Variants in SLCO2B1 observed in about 807,000 individuals in gnomAD.
SLCO2B1 encodes solute carrier organic anion transporter family member 2B1, also known as OATP-RP2.
Under a neutral mutation model 67.3 loss-of-function variants are expected in SLCO2B1, and 41 were observed. That is an observed-to-expected ratio of 0.61 (90% CI 0.47 to 0.79). SLCO2B1 has a LOEUF of 0.79. SLCO2B1 is among the 30% of genes least tolerant of loss of function. SLCO2B1 has a pLI of 0.00. For missense variants in SLCO2B1, 837 were observed against 920.1 expected (o/e 0.91, Z 1.17); for synonymous variants, 379 against 381.4 (o/e 0.99, Z 0.07).
chr11:75,169,948 A>G (rs1338542949), intron 6 of SLCO2B1, 184 bp downstream of exon 6: 1 of 587,784 alleles, frequency 1.7e-6, no homozygotes, highest in East Asian at 2.8e-5. Context: ...TCTGTCTCCT[A>G]AAGCTGTGAT....
chr11:75,188,189 T>A lies in SLCO2B1; in HGVS notation c.1026T>A (p.Asp342Glu), dbSNP rs971935565. 3 of 1,614,136 alleles carry A rather than the reference T, an allele frequency of 1.9e-6. No homozygotes were observed. The highest frequency in any genetic ancestry group is 2.5e-6 in the Non-Finnish European group (3 of 1,179,998). Reference sequence around the variant, plus strand: ...CTGGGGAGTCCACGAAGAAGCAGGATGGCCTAGTCCAGATTGCACCAAACC... The same window carrying A: ...CTGGGGAGTCCACGAAGAAGCAGGAAGGCCTAGTCCAGATTGCACCAAACC... ...QSPGESTKKQ[D>E]GLVQIAPNLT... The change falls in exon 8 of 14, where the codon GAT becomes GAA. Residue 342 changes from aspartate to glutamate, a missense_variant. Coordinates refer to ENST00000289575, the MANE Select transcript of SLCO2B1 (RefSeq NM_007256.5).
At chr11:75,162,585 C>A in intron 1 of SLCO2B1, 70 bp from the exon 2 acceptor site, 1 of 1,512,736 alleles carries the variant, frequency 6.6e-7, no homozygotes, top group Non-Finnish European at 8.9e-7. Flanking sequence ...AGGTCTAGGG[C>A]TATCTAATCA....
chr11:75,176,799 A>T (rs1950030672), intron 7 of SLCO2B1, among the ~76,000 whole-genome samples: 1 of 152,166 alleles, frequency 6.6e-6, no homozygotes, highest in Non-Finnish European at 1.5e-5. Context: ...AGCATCTGTG[A>T]GTTCTGAGGT....
At position 75,193,262 on chromosome 11, in the gene SLCO2B1, C is replaced by T; in HGVS notation, c.1120C>T (p.Leu374=). 1.9e-6 allele frequency: 3 copies of T among 1,613,698 alleles called. No homozygotes were observed. Among genetic ancestry groups the T allele is most frequent in the Non-Finnish European group, 2.5e-6 (3 of 1,179,982 alleles). ...GCAGACCCTACGCCACCCCATCTTC[C>T]TGCTGGTGGTCCTGTCCCAGGTATG... is the stretch of plus-strand genomic sequence containing the variant. ...LLQTLRHPIF[L]LVVLSQVCLS... Residue 374 remains leucine (L), a synonymous_variant, in exon 9 of 14, where the codon CTG becomes TTG. Coordinates refer to ENST00000289575, the MANE Select transcript of SLCO2B1 (RefSeq NM_007256.5). This position sits in a 1 kb window ranked among gnomAD's most constrained non-coding sequence, Gnocchi z 4.2.
intron 7 of SLCO2B1, among the ~76,000 whole-genome samples, chr11:75,173,123 C>A (rs1411631402): frequency 6.6e-6 from 1 of 152,154 alleles, no homozygotes. Context: ...GGGATGAGAA[C>A]CCGCACCTTT....
chr11:75,154,336 A>C (rs1419660352), intron 1 of SLCO2B1, among the ~76,000 whole-genome samples: 1 of 151,906 alleles, frequency 6.6e-6, no homozygotes, highest in African/African-American at 2.4e-5. Flanking sequence ...TCTACTAAAA[A>C]AAAAATACAA....
intron 1 of SLCO2B1, chr11:75,151,648 G>A (rs1189497230): frequency 8.9e-6 from 5 of 563,046 alleles, no homozygotes; most frequent in East Asian, 2.9e-5. Context: ...TGATGAGACC[G>A]AGACTTAGAG....
chr11:75,168,259 T>C (rs992799027), intron 4 of SLCO2B1, among the ~76,000 whole-genome samples: 3 of 152,160 alleles, frequency 2.0e-5, no homozygotes, highest in Non-Finnish European at 4.4e-5. Context: ...AGGGCCTCTG[T>C]CAAAGTCACA....
chr11:75,179,419 A>G lies in SLCO2B1; in HGVS notation c.972+6850A>G, dbSNP rs189870533. On this transcript the variant is annotated intron_variant, in intron 7 of 13. Transcript: ENST00000289575. ...GCTAATTTTTGTATTTTTAGTAGAG[A>G]CAGGGTTTTACCATGTTGGCCAGGC... 1.6e-3 allele frequency among the ~76,000 whole-genome samples: 245 copies of G among 151,806 alleles called. 3 individuals carry two copies. The highest frequency in any genetic ancestry group is 5.8e-3 in the African/African-American group (240 of 41,390).
intron 1 of SLCO2B1, among the ~76,000 whole-genome samples, chr11:75,156,860 G>T (rs1949753136): frequency 6.6e-6 from 1 of 152,224 alleles, no homozygotes; most frequent in African/African-American, 2.4e-5. Flanking sequence ...TTTGTAAACT[G>T]TCATGGTGCT....
chr11:75,191,347 A>AGAGCAGCTTATGGCAAGAAGGCT (rs1945020732), intron 8 of SLCO2B1, among the ~76,000 whole-genome samples: 1 of 152,192 alleles, frequency 6.6e-6, no homozygotes, highest in Non-Finnish European at 1.5e-5. Flanking sequence ...TGCCCTGGCC[A>AGAGCAGCTTATGGCAAGAAGGCT]GAGCAGCTTA....
chr11:75,201,302 C>G (rs1421704315), intron 11 of SLCO2B1: 1 of 152,204 alleles, frequency 6.6e-6, no homozygotes, highest in East Asian at 1.9e-4. Flanking sequence ...GGATTACAGG[C>G]ATGAGCCACC....
chr11:75,185,533 G>T (rs1246741962), intron 7 of SLCO2B1, among the ~76,000 whole-genome samples: 8 of 143,616 alleles, frequency 5.6e-5, no homozygotes, highest in Non-Finnish European at 1.2e-4. Context: ...GTGAAACAGG[G>T]TCTCACTCTA....
chr11:75,157,382 G>A (rs1046057698), intron 1 of SLCO2B1, among the ~76,000 whole-genome samples: 2 of 152,204 alleles, frequency 1.3e-5, no homozygotes, highest in African/African-American at 4.8e-5. Context: ...GGGATAGATG[G>A]CTTTCATCCT....
intron 3 of SLCO2B1, 33 bp downstream of exon 3, chr11:75,164,133 C>T (rs1272575199): frequency 6.3e-7 from 1 of 1,595,662 alleles, no homozygotes; most frequent in Non-Finnish European, 8.5e-7. Context: ...GGGGTGGACA[C>T]TGAGGGAGGC....
chr11:75,200,708 G>A (rs1416722825), intron 11 of SLCO2B1: 4 of 252,754 alleles, frequency 1.6e-5, no homozygotes, highest in Non-Finnish European at 3.0e-5. Flanking sequence ...ACATACCTAG[G>A]GCCCTGTCCT....
chr11:75,159,918 A>T lies in SLCO2B1; in HGVS notation c.17-2737A>T, dbSNP rs1027936062. On this transcript the variant is annotated intron_variant, in intron 1 of 13. Transcript: ENST00000289575. ...CACCTGAGGCAGGTGAGCAGGCTCCATGAGTGGGCAGGTGAGAGGCCAGGG... is the reference window on the plus strand; with the variant it reads ...CACCTGAGGCAGGTGAGCAGGCTCCTTGAGTGGGCAGGTGAGAGGCCAGGG... The T allele has an allele frequency of 8.3e-6, 8 of 960,004 alleles. No individual in the cohort carries two copies. In the Admixed American group the frequency reaches 1.8e-4, roughly 22 times the overall value. 59.5% of individuals were successfully genotyped at this position (960,004 alleles called of 1,614,324 possible). A position where few individuals can be genotyped will look rare whatever the true frequency, so the allele number is the denominator to read the frequency against.
chr11:75,157,808 T>G (rs755177232), intron 1 of SLCO2B1, among the ~76,000 whole-genome samples: 1 of 152,128 alleles, frequency 6.6e-6, no homozygotes, highest in Non-Finnish European at 1.5e-5. Flanking sequence ...TTTTAAAAAT[T>G]TAATTTACTT....
In SLCO2B1 at chr11:75,172,556, C is replaced by T; in HGVS notation, c.959C>T (p.Ser320Leu). The T allele has an allele frequency of 6.2e-7, 1 of 1,613,754 alleles. No homozygotes were observed. The highest frequency in any genetic ancestry group is 1.1e-5 in the South Asian group (1 of 91,016). ...FRRKVLAVTD[S>L]PARKGKDSPS... Reference sequence around the variant, plus strand: ...CGAAAGGTCTTAGCAGTCACAGACTCACCTGCCAGGAAGGTAAGCTCCCTC... The same window carrying T: ...CGAAAGGTCTTAGCAGTCACAGACTTACCTGCCAGGAAGGTAAGCTCCCTC... The change falls in exon 7 of 14, where the codon TCA becomes TTA. Residue 320 changes from serine (S) to leucine (L), a missense_variant. By Grantham distance (145) the Ser-to-Leu change is moderately radical. Coordinates refer to ENST00000289575, the MANE Select transcript of SLCO2B1 (RefSeq NM_007256.5).
Sources: gnomAD v4.1 joint callset for allele counts (sites outside exome capture counted in the v4.1 genomes callset) on GRCh38, gnomAD v4.1.1 for gene constraint, Gnocchi (gnomAD v3.1) non-coding constraint, MANE v1.5 for transcripts, NCBI Gene and HGNC (gene_info 2026-07-23, HGNC 2026-07-21) for gene names.